The following ADNP variants were observed in gnomAD, a reference collection of about 807,000 sequenced individuals.
ADNP encodes the protein activity-dependent neuroprotector homeobox protein.
ADNP carries 4 observed loss-of-function variants against 84.9 expected under a neutral mutation model. That is an observed-to-expected ratio of 0.05 (90% CI 0.02 to 0.11). The LOEUF (loss-of-function observed/expected upper bound fraction) is 0.11. Ranked by LOEUF, ADNP falls within the 10% of genes least tolerant of loss-of-function variation. The probability of loss-of-function intolerance (pLI) is 1.00; values close to 1 mark genes in which losing one functional copy is unlikely to be tolerated. For missense variants in ADNP, 1,132 were observed against 1,326.0 expected, an observed-to-expected ratio of 0.85 and a Z score of 2.27; for synonymous variants, 554 against 468.1, an observed-to-expected ratio of 1.18 and a Z score of -2.37.
At chr20:50,912,853 TAAAGAA>T (rs11467314) in intron 2 of ADNP, among the ~76,000 whole-genome samples, 13,723 of 152,146 alleles carry the variant, frequency 0.09, 659 homozygotes, top group African/African-American at 0.13. Context: ...CCTAAAGTTG[TAAAGAA>T]AAACACAGTC....
rs1555818594 is a variant in ADNP at position 50,931,257 on chromosome 20, G to GGA, written c.-697_-696insTC. 1 of 106,252 alleles carries GGA rather than the reference G, an allele frequency of 9.4e-6. No homozygotes were observed. The highest frequency in any genetic ancestry group is 2.0e-5 in the Non-Finnish European group (1 of 49,314). The allele number at this position is 106,252 out of a possible 1,614,324, so 6.6% of individuals were successfully genotyped here. A position where few individuals can be genotyped will look rare whatever the true frequency, so the allele number is the denominator to read the frequency against. Reference sequence around the variant, plus strand: ...GCACAAGATGGCGGCGGCCGGGGGGGGGGGGGCGGGAGTTCAGCTCATGGA... The same window carrying GGA: ...GCACAAGATGGCGGCGGCCGGGGGGGGAGGGGGGCGGGAGTTCAGCTCATGGA... On this transcript the variant is annotated 5_prime_UTR_variant, in exon 1 of 6. Transcript: ENST00000621696.
rs1340814811 is a variant in ADNP, at chr20:50,890,321, G to A, written c.*1084C>T. 6.4e-6 allele frequency: 1 copy of A among 156,868 alleles called. No individual in the cohort carries two copies. The highest frequency in any genetic ancestry group is 1.4e-5 in the Non-Finnish European group (1 of 71,212). 9.7% of individuals were successfully genotyped at this position (156,868 alleles called of 1,614,324 possible). ...AAAGATATAATGGACACACAGGACT[G>A]TCATGTGTAATAAAGCAAATATTTA... is the stretch of plus-strand genomic sequence containing the variant. On this transcript the variant is annotated 3_prime_UTR_variant, in exon 6 of 6. Transcript: ENST00000621696.
intron 1 of ADNP, among the ~76,000 whole-genome samples, chr20:50,929,987 G>A (rs1279438134): frequency 2.0e-5 from 3 of 152,000 alleles, no homozygotes; most frequent in Non-Finnish European, 4.4e-5. Context: ...TTGGTCTTGG[G>A]CAGAAGAGGA....
At chr20:50,915,214 A>G (rs1253319027) in intron 2 of ADNP, among the ~76,000 whole-genome samples, 5 of 152,188 alleles carry the variant, frequency 3.3e-5, no homozygotes, top group African/African-American at 1.2e-4. Flanking sequence ...CCTCAGCAAC[A>G]TATTTAATAC....
chr20:50,923,126 G>A (rs527466305), intron 2 of ADNP, among the ~76,000 whole-genome samples: 1 of 152,254 alleles, frequency 6.6e-6, no homozygotes, highest in East Asian at 1.9e-4. Flanking sequence ...TATGAGCCAG[G>A]AACCGTGGTG....
At chr20:50,926,193 A>G (rs1232765696) in intron 2 of ADNP, among the ~76,000 whole-genome samples, 2 of 152,224 alleles carry the variant, frequency 1.3e-5, no homozygotes, top group African/African-American at 2.4e-5. Context: ...ATCCAACTAT[A>G]ATTAAATTAT....
chr20:50,906,190 G>A (rs755495687), intron 2 of ADNP, among the ~76,000 whole-genome samples: 4 of 152,174 alleles, frequency 2.6e-5, no homozygotes, highest in Non-Finnish European at 4.4e-5. Context: ...CCAGCATGGC[G>A]AGAGCGAGAT....
chr20:50,929,753 G>A (rs984071211), intron 1 of ADNP, among the ~76,000 whole-genome samples: 4 of 151,848 alleles, frequency 2.6e-5, no homozygotes, highest in African/African-American at 7.3e-5. Flanking sequence ...TCAAGATACA[G>A]GCACAAGAAG....
rs6096173 is a variant in ADNP, at chr20:50,901,873, G to C, written c.201+144C>G. On this transcript the variant is annotated intron_variant, in intron 5 of 5. Coordinates refer to ENST00000621696, the MANE Select transcript of ADNP (RefSeq NM_001282531.3). ...AAAAGTTTTTCTTAGTCTTCCCACT[G>C]GTCAGGAAAATATGAAATGCAATTT... 478 of 747,066 alleles carry C rather than the reference G, an allele frequency of 6.4e-4. 3 individuals carry two copies. The African/African-American group carries it at 7.9e-3, about 12-fold the overall frequency. 46.3% of individuals were successfully genotyped at this position (747,066 alleles called of 1,614,324 possible). A position where few individuals can be genotyped will look rare whatever the true frequency, so the allele number is the denominator to read the frequency against.
At chr20:50,896,039 A>T (rs1009159465) in intron 5 of ADNP, among the ~76,000 whole-genome samples, 6 of 152,050 alleles carry the variant, frequency 3.9e-5, no homozygotes, top group African/African-American at 7.2e-5. Context: ...AGCCTGACCA[A>T]CATGGTGAAA....
In ADNP at chr20:50,892,501, G is replaced by A; in HGVS notation, c.2213C>T (p.Ser738Leu). Residue 738 changes from serine to leucine, a missense_variant, in exon 6 of 6, where the codon TCA becomes TTA. Ser to Leu is a moderately radical substitution (Grantham distance 145, BLOSUM62 -2). This residue lies in a region of ADNP where 101 missense variants were observed against 78.5 expected (regional missense o/e 1.29). Transcript: ENST00000621696. Reference protein sequence around the residue: ...KKRKLDDDSDSPSFFEEKPEE... With the variant: ...KKRKLDDDSDLPSFFEEKPEE... ...AGGCTTCTCTTCAAAGAAGCTGGGT[G>A]AATCACTATCATCATCTAACTTTCG... The A allele has an allele frequency of 1.9e-6, 3 of 1,614,216 alleles. No homozygotes were observed. The highest frequency in any genetic ancestry group is 2.5e-6 in the Non-Finnish European group (3 of 1,180,044).
chr20:50,900,640 C>T (rs899436043), intron 5 of ADNP, among the ~76,000 whole-genome samples: 4 of 152,118 alleles, frequency 2.6e-5, no homozygotes, highest in African/African-American at 4.8e-5. Flanking sequence ...ACCAAAATGT[C>T]GTTATGTGGT....
At chr20:50,902,346 T>C (rs1403137982) in intron 4 of ADNP, among the ~76,000 whole-genome samples, 1 of 152,160 alleles carries the variant, frequency 6.6e-6, no homozygotes, top group African/African-American at 2.4e-5. Flanking sequence ...CCAAGGAAAT[T>C]GCTGGAAGTT....
intron 1 of ADNP, among the ~76,000 whole-genome samples, chr20:50,929,332 G>GT (rs1341499084): frequency 1.3e-5 from 2 of 152,222 alleles, no homozygotes; most frequent in African/African-American, 4.8e-5. Flanking sequence ...GGGGCCAACA[G>GT]TTTTGAAAAA....
intron 2 of ADNP, among the ~76,000 whole-genome samples, chr20:50,910,794 A>G (rs998990971): frequency 6.6e-6 from 1 of 152,152 alleles, no homozygotes; most frequent in Non-Finnish European, 1.5e-5. Context: ...AGATGAGACT[A>G]GAGGTATGCG....
intron 2 of ADNP, among the ~76,000 whole-genome samples, chr20:50,911,656 G>A (rs1379728934): frequency 1.3e-5 from 2 of 151,954 alleles, no homozygotes; most frequent in Admixed American, 6.6e-5. Flanking sequence ...GCTTGTCTAT[G>A]GTAGTTCTGC....
In ADNP at chr20:50,892,498, G is replaced by C. The variant is rs1259532830; in HGVS notation, c.2216C>G (p.Pro739Arg). Residue 739 changes from proline (P) to arginine (R), a missense_variant, in exon 6 of 6, where the codon CCC (proline) becomes CGC (arginine). Transcript: ENST00000621696. ...TTCAGGCTTCTCTTCAAAGAAGCTG[G>C]GTGAATCACTATCATCATCTAACTT... The part of the protein sequence containing the change: ...KRKLDDDSDS[P>R]SFFEEKPEEP... The C allele has an allele frequency of 1.2e-6, 2 of 1,614,050 alleles. No homozygotes were observed. Among genetic ancestry groups the C allele is most frequent in the Admixed American group, 1.7e-5 (1 of 60,000 alleles).
intron 2 of ADNP, among the ~76,000 whole-genome samples, chr20:50,916,253 C>CA (rs554670820): frequency 7.2e-4 from 109 of 151,044 alleles, no homozygotes; most frequent in Middle Eastern, 3.4e-3. Context: ...ATCCTTTCTA[C>CA]AAAAAAAAAG....
intron 5 of ADNP, among the ~76,000 whole-genome samples, chr20:50,901,321 T>TAAAAAAAAAAAA (rs11470054): frequency 1.1e-5 from 1 of 92,758 alleles, no homozygotes; most frequent in Non-Finnish European, 2.0e-5. Context: ...CTGGGGTATT[T>TAAAAAAAAAAAA]AAAAAAAAAA....
Sources: allele counts gnomAD v4.1 joint callset (sites outside exome capture counted in the v4.1 genomes callset), GRCh38; gene constraint gnomAD v4.1.1; regional missense constraint gnomAD v4.1.1; transcripts MANE v1.5; gene names NCBI Gene and HGNC (gene_info 2026-07-23, HGNC 2026-07-21).